Variants in RAPGEF5 observed in about 807,000 individuals in gnomAD.
RAPGEF5 encodes M-Ras-regulated GEF.
In RAPGEF5, 65 loss-of-function variants were observed where a neutral mutation model predicts 125.2. The ratio of observed to expected loss-of-function variants is 0.52; its 90% CI spans 0.43 to 0.64. The LOEUF is 0.64. Among genes scored for constraint, RAPGEF5 ranks in the 30% least tolerant of loss-of-function variants. The probability of loss-of-function intolerance (pLI) is 0.00; values close to 1 mark genes in which losing one functional copy is unlikely to be tolerated. For missense variants in RAPGEF5, 958 were observed against 1,048.1 expected, an observed-to-expected ratio of 0.91 and a Z score of 1.19; for synonymous variants, 391 against 385.9, an observed-to-expected ratio of 1.01 and a Z score of -0.16.
intron 7 of RAPGEF5, among the ~76,000 whole-genome samples, chr7:22,243,910 G>A (rs1372248114): frequency 2.0e-5 from 3 of 152,082 alleles, no homozygotes; most frequent in Non-Finnish European, 4.4e-5. Flanking sequence ...TGTACCCTTT[G>A]GTCAACATCT....
intron 7 of RAPGEF5, among the ~76,000 whole-genome samples, chr7:22,231,891 T>C (rs1786067165): frequency 6.6e-6 from 1 of 152,170 alleles, no homozygotes. Flanking sequence ...GAATTTTAAA[T>C]TGGGAAGTGC....
intron 6 of RAPGEF5, among the ~76,000 whole-genome samples, chr7:22,273,301 C>T (rs548230550): frequency 6.7e-6 from 1 of 149,110 alleles, no homozygotes; most frequent in Admixed American, 6.7e-5. Flanking sequence ...TCACTGCAAG[C>T]TCCGCCTCCC....
chr7:22,148,842 C>T (rs1454644113), intron 18 of RAPGEF5, among the ~76,000 whole-genome samples: 2 of 152,054 alleles, frequency 1.3e-5, no homozygotes, highest in Non-Finnish European at 2.9e-5. Context: ...TTTCCTCTAC[C>T]GCAACAAGCC....
chr7:22,268,426 C>T (rs1296713444), intron 6 of RAPGEF5, among the ~76,000 whole-genome samples: 1 of 152,280 alleles, frequency 6.6e-6, no homozygotes, highest in East Asian at 1.9e-4. Flanking sequence ...GGTATGCATA[C>T]TCAAATAAAT....
rs536148274 is a variant in RAPGEF5, at chr7:22,326,646, C to T, written c.232-8609G>A. Among the ~76,000 whole-genome samples, 3 of 152,242 alleles carry T rather than the reference C, an allele frequency of 2.0e-5. No individual in the cohort carries two copies. The South Asian group carries it at 6.2e-4, about 32-fold the overall frequency. ...ATTGCAATTTAAGACTATTTCCTCC[C>T]AAACTATTTAAGGCACAATTCCATC... On this transcript the variant is annotated intron_variant, in intron 1 of 25. Transcript: ENST00000665637.
intron 9 of RAPGEF5, among the ~76,000 whole-genome samples, chr7:22,196,813 A>G (rs970302324): frequency 6.6e-6 from 1 of 152,158 alleles, no homozygotes; most frequent in Non-Finnish European, 1.5e-5. Context: ...CCTGCCACAG[A>G]CGTTTAGCAA....
At chr7:22,332,944 C>T (rs1783949839) in intron 1 of RAPGEF5, among the ~76,000 whole-genome samples, 1 of 152,058 alleles carries the variant, frequency 6.6e-6, no homozygotes. Context: ...TTACTGCAAC[C>T]CACTGTAAGG....
intron 7 of RAPGEF5, among the ~76,000 whole-genome samples, chr7:22,253,877 T>C (rs900831705): frequency 4.6e-5 from 7 of 152,192 alleles, no homozygotes; most frequent in Non-Finnish European, 8.8e-5. Flanking sequence ...AAGTCTAATA[T>C]GGTGCTACGT....
chr7:22,248,597 C>A (rs573085463), intron 7 of RAPGEF5, among the ~76,000 whole-genome samples: 31 of 152,236 alleles, frequency 2.0e-4, no homozygotes, highest in African/African-American at 7.2e-4. Context: ...GTATTCCTAG[C>A]CAGAGATTAT....
chr7:22,317,822 T>C (rs574249735), intron 2 of RAPGEF5, among the ~76,000 whole-genome samples, 165 bp downstream of exon 2: 1 of 152,288 alleles, frequency 6.6e-6, no homozygotes, highest in African/African-American at 2.4e-5. Context: ...TCTCAAACAC[T>C]TTTGCTGTGT....
rs1231959998 is a variant in RAPGEF5 at position 22,150,465 on chromosome 7, T to C, written c.1826A>G (p.Lys609Arg). The change falls in exon 18 of 26, where the codon AAA becomes AGA. Residue 609 changes from lysine to arginine, a missense_variant. Transcript: ENST00000665637. ...ELQPNDLVIS[K>R]SLEASGRIYV... ...TATTCGACCAGATGCCTCGAGGGAT[T>C]TGGAGATGACTAAGTCATTTGGCTG... The C allele has an allele frequency of 1.2e-6, 2 of 1,608,922 alleles. No homozygotes were observed. Among genetic ancestry groups the C allele is most frequent in the Non-Finnish European group, 1.7e-6 (2 of 1,178,628 alleles).
intron 12 of RAPGEF5, chr7:22,163,047 A>G (rs962520728): frequency 2.0e-5 from 9 of 452,220 alleles, no homozygotes; most frequent in African/African-American, 1.8e-4. Context: ...TCAAATGCCC[A>G]CTCCTAGGAA....
intron 21 of RAPGEF5, among the ~76,000 whole-genome samples, chr7:22,138,749 C>T (rs1459844885): frequency 6.6e-6 from 1 of 152,268 alleles, no homozygotes; most frequent in Non-Finnish European, 1.5e-5. Flanking sequence ...CTGCACATAG[C>T]AGGCAGTCAA....
At chr7:22,285,053 A>AT (rs1280338212) in intron 6 of RAPGEF5, among the ~76,000 whole-genome samples, 2 of 152,196 alleles carry the variant, frequency 1.3e-5, no homozygotes, top group East Asian at 3.9e-4. Context: ...GAACGCTCAC[A>AT]TCAGCCTACA....
intron 6 of RAPGEF5, among the ~76,000 whole-genome samples, chr7:22,290,359 C>T (rs1782900795): frequency 6.6e-6 from 1 of 152,202 alleles, no homozygotes; most frequent in Admixed American, 6.5e-5. Context: ...AAAACTGAAA[C>T]TCAAGGCTTA....
chr7:22,248,151 A>G (rs1786527111), intron 7 of RAPGEF5, among the ~76,000 whole-genome samples: 1 of 152,164 alleles, frequency 6.6e-6, no homozygotes, highest in African/African-American at 2.4e-5. Context: ...AAAATCATCA[A>G]AGTAAAAAGA....
At chr7:22,251,836 G>C (rs115589486) in intron 7 of RAPGEF5, among the ~76,000 whole-genome samples, 3,497 of 138,410 alleles carry the variant, frequency 0.025, 133 homozygotes, top group African/African-American at 0.087. Context: ...TTTATGCTTT[G>C]AAATTTAAAT....
intron 15 of RAPGEF5, 46 bp from the exon 16 acceptor site, chr7:22,156,934 C>G (rs1351083937): frequency 6.2e-7 from 1 of 1,609,958 alleles, no homozygotes; most frequent in Middle Eastern, 1.7e-4. Context: ...CATTCCTGCC[C>G]TTTGGAAAAC....
At chr7:22,311,245 TGA>T (rs1445168014) in intron 3 of RAPGEF5, among the ~76,000 whole-genome samples, 3 of 152,178 alleles carry the variant, frequency 2.0e-5, no homozygotes, top group African/African-American at 7.2e-5. Context: ...CTCAAACTCC[TGA>T]GCTCAAGTGA....
Sources: allele counts gnomAD v4.1 joint callset (sites outside exome capture counted in the v4.1 genomes callset), GRCh38; gene constraint gnomAD v4.1.1; transcripts MANE v1.5; gene names NCBI Gene and HGNC (gene_info 2026-07-23, HGNC 2026-07-21).